CYP3A7: variants seen among roughly 807,000 people sequenced by gnomAD.
CYP3A7 encodes cytochrome P450 3A7.
CYP3A7 carries 45 observed loss-of-function variants against 55.2 expected under a neutral mutation model. That is an observed-to-expected ratio of 0.82 (90% CI 0.64 to 1.05). The LOEUF (loss-of-function observed/expected upper bound fraction) is 1.05, where lower values mean the gene tolerates loss of function less well. Among genes scored for constraint, CYP3A7 ranks in the 50% least tolerant of loss-of-function variants. CYP3A7 has a pLI of 0.00. For synonymous variants in CYP3A7, 180 were observed against 207.4 expected, an observed-to-expected ratio of 0.87 and a Z score of 1.13; for missense variants, 548 against 605.3, an observed-to-expected ratio of 0.91 and a Z score of 0.99.
At chr7:99,717,418 C>T in intron 5 of CYP3A7, 108 bp downstream of exon 5, 2 of 1,582,034 alleles carry the variant, frequency 1.3e-6, no homozygotes, top group Non-Finnish European at 1.7e-6. Context: ...TTAGGAAGCT[C>T]AAATTCAGCA....
intron 10 of CYP3A7, 124 bp from the exon 11 acceptor site, chr7:99,709,385 G>A (rs1813658078): frequency 1.4e-6 from 2 of 1,418,582 alleles, no homozygotes; most frequent in East Asian, 2.5e-5. Flanking sequence ...AAGGATTGTA[G>A]CATTCATAAA....
In CYP3A7 at chr7:99,709,272, A is replaced by C. The variant is rs753111227; in HGVS notation, c.1027-11T>G. On this transcript the variant is annotated splice_polypyrimidine_tract_variant and intron_variant, in intron 10 of 12. Transcript: ENST00000336374. ...ATAGGTGGGTGGTGCCTGAAAAGAAAGAAACAGATTTGGATAAATTGAGAT... is the reference window on the plus strand; with the variant it reads ...ATAGGTGGGTGGTGCCTGAAAAGAACGAAACAGATTTGGATAAATTGAGAT... The C allele has an allele frequency of 9.3e-6, 15 of 1,613,098 alleles. No homozygotes were observed. The highest frequency in any genetic ancestry group is 2.2e-5 in the South Asian group (2 of 91,004).
intron 2 of CYP3A7, among the ~76,000 whole-genome samples, chr7:99,722,998 G>A (rs951815372): frequency 2.0e-5 from 3 of 150,708 alleles, no homozygotes; most frequent in Non-Finnish European, 4.4e-5. Context: ...AGAAAATTAT[G>A]ACACTTGCTC....
In CYP3A7 at chr7:99,710,721, T is replaced by G. The variant is rs45536632; in HGVS notation, c.1026+11A>C. On this transcript the variant is annotated intron_variant, in intron 10 of 12. Coordinates refer to ENST00000336374, the MANE Select transcript of CYP3A7 (RefSeq NM_000765.5). ...ACCTCCTCCCTCCTTCTCCATGTAC[T>G]GTCCACTCACCTTATTGGGTAAAAC... The G allele has an allele frequency of 1.2e-6, 2 of 1,613,836 alleles. No individual in the cohort carries two copies. Among genetic ancestry groups the G allele is most frequent in the Non-Finnish European group, 8.5e-7 (1 of 1,179,822 alleles).
intron 2 of CYP3A7, among the ~76,000 whole-genome samples, chr7:99,726,485 C>T (rs868664430): frequency 1.4e-4 from 22 of 152,180 alleles, no homozygotes; most frequent in Admixed American, 5.9e-4. Context: ...CAATATCTCC[C>T]TCCACAACTC....
chr7:99,725,559 A>T (rs2151526931), intron 2 of CYP3A7, among the ~76,000 whole-genome samples: 1 of 152,346 alleles, frequency 6.6e-6, no homozygotes, highest in East Asian at 1.9e-4. Context: ...AAGCCTGGCC[A>T]CTGGGCCTCA....
intron 9 of CYP3A7, among the ~76,000 whole-genome samples, chr7:99,711,995 C>T (rs936097266): frequency 1.4e-4 from 21 of 152,104 alleles, no homozygotes; most frequent in African/African-American, 5.1e-4. Context: ...TGAAGATGGA[C>T]AAAAAGCTAG....
chr7:99,715,615 G>A (rs575190478), intron 7 of CYP3A7, 143 bp downstream of exon 7: 2 of 1,410,848 alleles, frequency 1.4e-6, no homozygotes, highest in South Asian at 2.4e-5. Flanking sequence ...GTTTACAATG[G>A]TGATGGTCGT....
intron 12 of CYP3A7, among the ~76,000 whole-genome samples, 154 bp from the exon 13 acceptor site, chr7:99,705,749 C>G (rs1432532620): frequency 6.6e-6 from 1 of 152,172 alleles, no homozygotes; most frequent in Non-Finnish European, 1.5e-5. Context: ...TATACTTACT[C>G]TATAAGATGT....
chr7:99,714,757 T>C, intron 7 of CYP3A7, 75 bp from the exon 8 acceptor site: 2 of 1,579,326 alleles, frequency 1.3e-6, no homozygotes, highest in Non-Finnish European at 1.7e-6. Flanking sequence ...ATTCTAATTT[T>C]CTCTACCAAT....
chr7:99,725,100 G>A (rs915001799), intron 2 of CYP3A7, among the ~76,000 whole-genome samples: 1 of 151,976 alleles, frequency 6.6e-6, no homozygotes, highest in African/African-American at 2.4e-5. Context: ...CTAGTCAAGG[G>A]GTTCAAAAAA....
At position 99,709,086 on chromosome 7, in the gene CYP3A7, A is replaced by G. The variant is rs143401162; in HGVS notation, c.1202T>C (p.Leu401Pro). The change falls in exon 11 of 13, where the codon CTT (leucine) becomes CCT (proline). Residue 401 changes from leucine to proline, a missense_variant. By Grantham distance (98) the Leu-to-Pro change is moderately conservative (BLOSUM62 -3). Coordinates refer to ENST00000336374, the MANE Select transcript of CYP3A7 (RefSeq NM_000765.5). Reference sequence around the variant, plus strand: ...TGTCCAGTACTTTGGGTCATGATGAAGAACATAGCTTGGAATCATCACCAC... The same window carrying G: ...TGTCCAGTACTTTGGGTCATGATGAGGAACATAGCTTGGAATCATCACCAC... ...GVVVMIPSYVLHHDPKYWTEP... is the reference protein window; with the variant it reads ...GVVVMIPSYVPHHDPKYWTEP... The G allele has an allele frequency of 1.2e-5, 20 of 1,613,302 alleles. 1 individual carries two copies. The African/African-American group carries it at 2.3e-4, about 18-fold the overall frequency.
Position 99,710,757 on chromosome 7 carries a change from T to A in CYP3A7, c.1001A>T (p.Glu334Val), listed in dbSNP as rs1444562241. The change falls in exon 10 of 13, where the codon GAA (glutamate) becomes GTA (valine). Residue 334 changes from glutamate (E) to valine (V), a missense_variant. Physicochemically the swap from Glu to Val is moderately radical, Grantham distance 121. Transcript: ENST00000336374. ...HPDVQQKVQK[E>V]IDTVLPNKAP... The stretch of plus-strand genomic sequence containing the variant: ...CTTATTGGGTAAAACTGTATCAATT[T>A]CCTTCTGCACTTTCTGCTGGACATC... 6.2e-7 allele frequency: 1 copy of A among 1,613,946 alleles called. No homozygotes were observed. The highest frequency in any genetic ancestry group is 8.5e-7 in the Non-Finnish European group (1 of 1,179,880).
Position 99,714,640 on chromosome 7 carries a change from AT to A in CYP3A7, c.712del (p.Ile238SerfsTer9). 6.2e-7 allele frequency: 1 copy of A among 1,613,056 alleles called. No individual in the cohort carries two copies. Among genetic ancestry groups the A allele is most frequent in the Non-Finnish European group, 8.5e-7 (1 of 1,179,470 alleles). On this transcript the variant is annotated frameshift_variant, in exon 8 of 13. Coordinates refer to ENST00000336374, the MANE Select transcript of CYP3A7 (RefSeq NM_000765.5). LOFTEE classifies it high-confidence loss of function. Reference sequence around the variant, plus strand: ...TATAACTTTTCTTGGAAACACAGTGATATTTAATGCTTCAAGAATTGGGGTA... The same window carrying A: ...TATAACTTTTCTTGGAAACACAGTGAATTTAATGCTTCAAGAATTGGGGTA... ...FLTPILEALNITVFPRKVISF... is the reference protein window; with the variant it reads ...FLTPILEALNXTVFPRKVISF...
chr7:99,716,474 G>A (rs910344515), intron 6 of CYP3A7, among the ~76,000 whole-genome samples: 4 of 152,242 alleles, frequency 2.6e-5, no homozygotes, highest in Admixed American at 6.5e-5. Flanking sequence ...TTGCCCTGAT[G>A]GCAGAATTAT....
chr7:99,735,146 C>T lies in CYP3A7; in HGVS notation c.-53G>A, dbSNP rs1814783354. 1 of 1,608,496 alleles carries T rather than the reference C, an allele frequency of 6.2e-7. No homozygotes were observed. Among genetic ancestry groups the T allele is most frequent in the African/African-American group, 1.3e-5 (1 of 74,780 alleles). On this transcript the variant is annotated 5_prime_UTR_variant, in exon 1 of 13. Coordinates refer to ENST00000336374, the MANE Select transcript of CYP3A7 (RefSeq NM_000765.5). The stretch of plus-strand genomic sequence containing the variant: ...TCTGAGTCTTTTTTTCAGCAGCGTG[C>T]TGCTGTTTGCTGGGCTGTGTGTGTG...
intron 2 of CYP3A7, among the ~76,000 whole-genome samples, chr7:99,729,408 A>G (rs935875083): frequency 2.6e-5 from 4 of 152,080 alleles, no homozygotes; most frequent in Admixed American, 6.5e-5. Flanking sequence ...CCTGAGAAAC[A>G]TCATCCATTA....
In CYP3A7 at chr7:99,715,854, T is replaced by G; in HGVS notation, c.574A>C (p.Ser192Arg). 6.2e-7 allele frequency: 1 copy of G among 1,613,926 alleles called. No individual in the cohort carries two copies. The highest frequency in any genetic ancestry group is 1.3e-5 in the African/African-American group (1 of 75,032). Reference protein sequence around the residue: ...DVITSTSFGVSIDSLNNPQDP... With the variant: ...DVITSTSFGVRIDSLNNPQDP... ...TGTGGATTGTTGAGAGAGTCGATGC[T>G]CACTCCAAATGATGTGCTAGTGATC... The change falls in exon 7 of 13, where the codon AGC becomes CGC. Residue 192 changes from serine to arginine, a missense_variant. Ser to Arg is a moderately radical substitution (Grantham distance 110). Coordinates refer to ENST00000336374, the MANE Select transcript of CYP3A7 (RefSeq NM_000765.5).
chr7:99,725,795 C>G (rs1408372100), intron 2 of CYP3A7, among the ~76,000 whole-genome samples: 1 of 152,178 alleles, frequency 6.6e-6, no homozygotes, highest in Non-Finnish European at 1.5e-5. Context: ...TGCCAAACTT[C>G]AGGTAACTCT....
Sources: gnomAD v4.1 joint callset for allele counts (sites outside exome capture counted in the v4.1 genomes callset) on GRCh38, gnomAD v4.1.1 for gene constraint, MANE v1.5 for transcripts, NCBI Gene and HGNC (gene_info 2026-07-23, HGNC 2026-07-21) for gene names.